Variants in ASPRV1 observed in about 807,000 individuals in gnomAD.
ASPRV1 encodes the protein retroviral-like aspartic protease 1.
ASPRV1 carries 7 observed loss-of-function variants against 11.0 expected under a neutral mutation model. That is an observed-to-expected ratio of 0.64 (90% CI 0.36 to 1.20). The LOEUF is 1.20. ASPRV1 is among the 50% of genes most tolerant of loss of function. The pLI, the probability that ASPRV1 is intolerant of heterozygous loss-of-function variation, is 0.02. For missense variants in ASPRV1, 299 were observed against 320.0 expected, an observed-to-expected ratio of 0.93 and a Z score of 0.50; for synonymous variants, 136 against 138.4, an observed-to-expected ratio of 0.98 and a Z score of 0.12.
At chr2:69,975,129 A>G in the ASPRV1 span, among the ~76,000 whole-genome samples, 1 of 152,240 alleles carries the variant, frequency 6.6e-6, no homozygotes, top group East Asian at 1.9e-4. Flanking sequence ...CCAGAGGCAC[A>G]GAAAGCTGCA....
chr2:70,011,198 G>A, the ASPRV1 span, among the ~76,000 whole-genome samples: 1 of 151,814 alleles, frequency 6.6e-6, no homozygotes, highest in Non-Finnish European at 1.5e-5. Context: ...GAAATAATCT[G>A]TACAACAAAC....
chr2:69,995,487 G>A, the ASPRV1 span: 1 of 152,176 alleles, frequency 6.6e-6, no homozygotes, highest in Non-Finnish European at 1.5e-5. Context: ...CATAAGCAGT[G>A]GTCGAAGAAG....
At chr2:70,001,806 G>T in the ASPRV1 span, among the ~76,000 whole-genome samples, 1 of 152,046 alleles carries the variant, frequency 6.6e-6, no homozygotes, top group Non-Finnish European at 1.5e-5. Flanking sequence ...CACAGAGTCA[G>T]AATTATATAT....
the ASPRV1 span, among the ~76,000 whole-genome samples, chr2:69,936,632 A>G: frequency 6.6e-6 from 1 of 152,364 alleles, no homozygotes; most frequent in South Asian, 2.1e-4. Context: ...TCTGAAGAAT[A>G]TGAGAAGCTG....
At chr2:70,001,236 T>C in the ASPRV1 span, among the ~76,000 whole-genome samples, 1 of 152,262 alleles carries the variant, frequency 6.6e-6, no homozygotes, top group Non-Finnish European at 1.5e-5. Context: ...AGCAGAAGTC[T>C]TTCTGAAACT....
chr2:70,014,644 TAAA>T, the ASPRV1 span: 1 of 150,964 alleles, frequency 6.6e-6, no homozygotes, highest in Non-Finnish European at 1.5e-5. Context: ...CTACAAAAAA[TAAA>T]AAATTAGCCA....
the ASPRV1 span, chr2:69,937,446 A>C: frequency 7.6e-7 from 1 of 1,317,662 alleles, no homozygotes; most frequent in Non-Finnish European, 1.0e-6. Flanking sequence ...CCAACCCCAG[A>C]GCAGGGGTTC....
the ASPRV1 span, chr2:70,085,832 GAA>G: frequency 2.0e-5 from 3 of 152,248 alleles, no homozygotes; most frequent in Non-Finnish European, 4.4e-5. Flanking sequence ...ACTGTCCTAT[GAA>G]AAAGTCAGAG....
chr2:70,059,176 C>T, the ASPRV1 span, among the ~76,000 whole-genome samples: 1 of 151,924 alleles, frequency 6.6e-6, no homozygotes, highest in Non-Finnish European at 1.5e-5. Context: ...CAGGCGTGAG[C>T]CACCGTGCCT....
chr2:70,049,892 A>G, the ASPRV1 span: 1 of 152,240 alleles, frequency 6.6e-6, no homozygotes, highest in Non-Finnish European at 1.5e-5. Context: ...ATTCAAAATA[A>G]CAAGCTACTT....
At chr2:69,970,688 A>G in the ASPRV1 span, 1 of 152,300 alleles carries the variant, frequency 6.6e-6, no homozygotes, top group African/African-American at 2.4e-5. Flanking sequence ...CAGTCTAAAC[A>G]TGAAAGTCCC....
chr2:70,008,126 G>A, the ASPRV1 span, among the ~76,000 whole-genome samples: 5 of 151,936 alleles, frequency 3.3e-5, no homozygotes, highest in South Asian at 2.1e-4. Context: ...ATGAGCCACC[G>A]TGCCCGGTCT....
the ASPRV1 span, chr2:69,968,556 A>G: frequency 6.6e-6 from 1 of 152,254 alleles, no homozygotes; most frequent in Non-Finnish European, 1.5e-5. Flanking sequence ...AAACTGGTCC[A>G]TAAAATAAGA....
At chr2:69,955,921 T>A (rs28454816), downstream of ASPRV1, among the ~76,000 whole-genome samples, 5 of 151,922 alleles carry the variant, frequency 3.3e-5, no homozygotes, top group African/African-American at 1.2e-4. Flanking sequence ...AGTGATGGCA[T>A]GCCAGTAGCA....
the ASPRV1 span, among the ~76,000 whole-genome samples, chr2:70,020,715 C>T: frequency 1.3e-5 from 2 of 151,786 alleles, no homozygotes; most frequent in Non-Finnish European, 2.9e-5. Context: ...GCACTCCAGC[C>T]TGGGCAAAAA....
At chr2:70,007,843 A>C in the ASPRV1 span, among the ~76,000 whole-genome samples, 1 of 151,830 alleles carries the variant, frequency 6.6e-6, no homozygotes, top group Admixed American at 6.6e-5. Flanking sequence ...ATTTTTATTT[A>C]TTTATTTAGC....
the ASPRV1 span, among the ~76,000 whole-genome samples, chr2:69,991,849 T>TA: frequency 6.6e-6 from 1 of 152,116 alleles, no homozygotes; most frequent in African/African-American, 2.4e-5. Context: ...GGGCTTTATT[T>TA]AAAAAAAGGA....
chr2:69,998,675 G>A, the ASPRV1 span, among the ~76,000 whole-genome samples: 1 of 150,760 alleles, frequency 6.6e-6, no homozygotes, highest in African/African-American at 2.4e-5. Flanking sequence ...CTTGCAGTGA[G>A]CAGAGATCAC....
chr2:69,957,958 C>A (rs1677978294), downstream of ASPRV1, among the ~76,000 whole-genome samples: 2 of 152,180 alleles, frequency 1.3e-5, no homozygotes, highest in Admixed American at 1.3e-4. Flanking sequence ...CTGCTTTACT[C>A]CATCCTATAC....
Sources: allele counts gnomAD v4.1 joint callset (sites outside exome capture counted in the v4.1 genomes callset), GRCh38; gene constraint gnomAD v4.1.1; transcripts MANE v1.5; gene names NCBI Gene and HGNC (gene_info 2026-07-23, HGNC 2026-07-21).